The following DDX46 variants were observed in gnomAD, a reference collection of about 807,000 sequenced individuals.
DDX46 encodes probable ATP-dependent RNA helicase DDX46.
A neutral mutation model predicts 134.9 loss-of-function variants in DDX46; 30 were observed. The observed-to-expected ratio is 0.22, with a 90% confidence interval of 0.17 to 0.30. The LOEUF (loss-of-function observed/expected upper bound fraction) is 0.30, where lower values mean the gene tolerates loss of function less well. Among genes scored for constraint, DDX46 ranks in the 10% least tolerant of loss-of-function variants. The pLI, the probability that DDX46 is intolerant of heterozygous loss-of-function variation, is 1.00. For missense variants in DDX46, 622 were observed against 1,248.7 expected, an observed-to-expected ratio of 0.50 and a Z score of 7.56; for synonymous variants, 415 against 404.1, an observed-to-expected ratio of 1.03 and a Z score of -0.32.
intron 5 of DDX46, among the ~76,000 whole-genome samples, chr5:134,775,820 A>C (rs1039697425): frequency 1.3e-5 from 2 of 152,182 alleles, no homozygotes; most frequent in East Asian, 1.9e-4. Context: ...AATTCTAGAC[A>C]ATCTAATCTT....
At chr5:134,769,327 GTTT>G (rs1026334806) in intron 3 of DDX46, among the ~76,000 whole-genome samples, 6 of 100,474 alleles carry the variant, frequency 6.0e-5, no homozygotes, top group African/African-American at 2.1e-4. Context: ...TATTTTCAAG[GTTT>G]TTTTTTTTTT....
intron 12 of DDX46, chr5:134,790,129 A>G (rs1167458342): frequency 4.2e-6 from 2 of 481,140 alleles, no homozygotes; most frequent in South Asian, 3.1e-5. Flanking sequence ...ATAATGGCTG[A>G]TGTGGCTCGA....
chr5:134,762,638 TAGG>T (rs1753426876), intron 1 of DDX46, among the ~76,000 whole-genome samples: 2 of 151,116 alleles, frequency 1.3e-5, no homozygotes, highest in South Asian at 2.1e-4. Context: ...GAGGCTGAGG[TAGG>T]AGGATTGCTT....
intron 17 of DDX46, 38 bp downstream of exon 17, chr5:134,811,396 T>C: frequency 6.3e-7 from 1 of 1,598,386 alleles, no homozygotes; most frequent in Non-Finnish European, 8.5e-7. Flanking sequence ...TAGAAATCAT[T>C]AATGTGACTA....
At chr5:134,816,759 C>A in intron 19 of DDX46, 153 bp downstream of exon 19, 1 of 759,678 alleles carries the variant, frequency 1.3e-6, no homozygotes, top group Non-Finnish European at 2.0e-6. Context: ...TTGATAATTG[C>A]ATTTGGATGA....
At chr5:134,760,577 A>G (rs1040177887) in intron 1 of DDX46, among the ~76,000 whole-genome samples, 12 of 152,296 alleles carry the variant, frequency 7.9e-5, no homozygotes, top group Middle Eastern at 3.4e-3. Context: ...GTAAGATTTA[A>G]TGGAAAAGTA....
At chr5:134,806,391 A>G (rs1224995397) in intron 15 of DDX46, among the ~76,000 whole-genome samples, 2 of 152,154 alleles carry the variant, frequency 1.3e-5, no homozygotes, top group East Asian at 1.9e-4. Context: ...AAGGGGGTTC[A>G]TGGTTTTTGG....
chr5:134,772,011 A>T (rs373175143), intron 4 of DDX46, among the ~76,000 whole-genome samples: 2 of 152,038 alleles, frequency 1.3e-5, no homozygotes, highest in South Asian at 2.1e-4. Context: ...CAGGTGGATC[A>T]TCTGAGGTCA....
At chr5:134,780,098 A>ATGTGTGTGTGTGTGTGTG (rs71583216) in intron 6 of DDX46, among the ~76,000 whole-genome samples, 9 of 139,504 alleles carry the variant, frequency 6.5e-5, no homozygotes, top group South Asian at 4.5e-4. Flanking sequence ...AAAAAAATAT[A>ATGTGTGTGTGTGTGTGTG]TGTGTGTGTG....
rs190623342 is a variant in DDX46 at position 134,760,980 on chromosome 5, C to T, written c.17+2025C>T. On this transcript the variant is annotated intron_variant, in intron 1 of 22. Transcript: ENST00000452510. ...TCCTGACCTTGTGATCCACCCGCCT[C>T]GGCCTCCCAAAGTTCTGGGATTACA... is the stretch of plus-strand genomic sequence containing the variant. Among the ~76,000 whole-genome samples, 533 of 152,206 alleles carry T rather than the reference C, an allele frequency of 3.5e-3. 3 individuals carry two copies. The highest frequency in any genetic ancestry group is 0.012 in the African/African-American group (513 of 41,514).
intron 15 of DDX46, among the ~76,000 whole-genome samples, chr5:134,806,507 T>G (rs1227216042): frequency 6.6e-6 from 1 of 152,244 alleles, no homozygotes; most frequent in Non-Finnish European, 1.5e-5. Context: ...AGTAAAAGTT[T>G]TGGTATTTTC....
intron 11 of DDX46, 45 bp from the exon 12 acceptor site, chr5:134,788,468 A>G (rs770903495): frequency 1.4e-5 from 21 of 1,495,472 alleles, no homozygotes; most frequent in Non-Finnish European, 1.9e-5. Flanking sequence ...TTAGTGTTTA[A>G]GTAAGCATTA....
At chr5:134,785,924 C>T (rs1754319181) in intron 11 of DDX46, among the ~76,000 whole-genome samples, 1 of 151,948 alleles carries the variant, frequency 6.6e-6, no homozygotes, top group African/African-American at 2.4e-5. Context: ...TCTCGGCTCA[C>T]TGCAACCTCT....
chr5:134,779,049 A>G (rs2150138595), intron 6 of DDX46, among the ~76,000 whole-genome samples: 1 of 151,452 alleles, frequency 6.6e-6, no homozygotes. Flanking sequence ...GGCCCTTGCC[A>G]CCACGCCCAG....
chr5:134,770,832 A>T, intron 3 of DDX46, 71 bp from the exon 4 acceptor site: 1 of 1,345,072 alleles, frequency 7.4e-7, no homozygotes. Flanking sequence ...AAAAAAAAAA[A>T]GTATTTAAAA....
intron 6 of DDX46, among the ~76,000 whole-genome samples, chr5:134,779,897 G>A (rs758667018): frequency 1.3e-5 from 2 of 152,220 alleles, no homozygotes; most frequent in South Asian, 2.1e-4. Context: ...TCAGGAGTTA[G>A]AGATCAGCCT....
In DDX46 at chr5:134,821,529, G is replaced by GTTT. The variant is rs199657679; in HGVS notation, c.2977+2529_2977+2531dup. On this transcript the variant is annotated intron_variant, in intron 21 of 22. Coordinates refer to ENST00000452510, the MANE Select transcript of DDX46 (RefSeq NM_001300860.2). ...CATTTTGATTTGCTCTTGTTTCTGGGTTTTTTGTTTTTTTTTTTTTTTGAG... is the reference window on the plus strand; with the variant it reads ...CATTTTGATTTGCTCTTGTTTCTGGGTTTTTTTTTGTTTTTTTTTTTTTTTGAG... Among the ~76,000 whole-genome samples, 3 of 143,386 alleles carry GTTT rather than the reference G, an allele frequency of 2.1e-5. 1 individual carries two copies. The highest frequency in any genetic ancestry group is 5.4e-5 in the African/African-American group (2 of 37,028). The allele number at this position is 143,386 out of a possible 152,430, so 94.1% of individuals were successfully genotyped here.
Position 134,794,892 on chromosome 5 carries a change from G to A in DDX46, c.1669G>A (p.Val557Ile), listed in dbSNP as rs764408995. 1 of 1,614,198 alleles carries A rather than the reference G, an allele frequency of 6.2e-7. No homozygotes were observed. The highest frequency in any genetic ancestry group is 8.5e-7 in the Non-Finnish European group (1 of 1,180,050). The stretch of plus-strand genomic sequence containing the variant: ...TAATGTTCGTCCTGATCGACAGACG[G>A]TTATGTTTTCAGCTACTTTCCCCAG... ...VDNVRPDRQT[V>I]MFSATFPRAM... Residue 557 changes from valine to isoleucine, a missense_variant, in exon 14 of 23, where the codon GTT becomes ATT. Coordinates refer to ENST00000452510, the MANE Select transcript of DDX46 (RefSeq NM_001300860.2).
chr5:134,830,411 C>T lies in DDX46; in HGVS notation c.*1705C>T, dbSNP rs1205199419. On this transcript the variant is annotated 3_prime_UTR_variant, in exon 23 of 23. Coordinates refer to ENST00000452510, the MANE Select transcript of DDX46 (RefSeq NM_001300860.2). ...ATAGAGGAGGGGTTTAAGGGGTGTCCTGCAATCAGTCCCCCTCTCATACCA... is the reference window on the plus strand; with the variant it reads ...ATAGAGGAGGGGTTTAAGGGGTGTCTTGCAATCAGTCCCCCTCTCATACCA... 6.6e-6 allele frequency: 1 copy of T among 151,746 alleles called. No homozygotes were observed. The highest frequency in any genetic ancestry group is 2.1e-4 in the South Asian group (1 of 4,822). 9.4% of individuals were successfully genotyped at this position (151,746 alleles called of 1,614,324 possible).
Sources: gnomAD v4.1 joint callset for allele counts (sites outside exome capture counted in the v4.1 genomes callset) on GRCh38, gnomAD v4.1.1 for gene constraint, MANE v1.5 for transcripts, NCBI Gene and HGNC (gene_info 2026-07-23, HGNC 2026-07-21) for gene names.